Variants in PLB1 observed in about 807,000 individuals in gnomAD.
The protein encoded by PLB1 is phospholipase B1, membrane-associated.
In PLB1, 242 loss-of-function variants were observed where a neutral mutation model predicts 227.4. The observed-to-expected ratio is 1.06, with a 90% confidence interval of 0.96 to 1.18. PLB1 has a LOEUF of 1.18. PLB1 is among the 50% of genes most tolerant of loss of function. The probability of loss-of-function intolerance (pLI) is 0.00; values close to 1 mark genes in which losing one functional copy is unlikely to be tolerated. For synonymous variants in PLB1, 757 were observed against 682.2 expected (o/e 1.11, Z -1.71); for missense variants, 1,858 against 1,816.3 (o/e 1.02, Z -0.42).
chr2:28,523,224 C>T (rs1008529069), intron 4 of PLB1, among the ~76,000 whole-genome samples: 11 of 151,892 alleles, frequency 7.2e-5, no homozygotes, highest in African/African-American at 1.7e-4. Flanking sequence ...AACATACACA[C>T]GTGCACACAC....
Position 28,602,802 on chromosome 2 carries a change from T to A in PLB1, c.2674-19T>A, listed in dbSNP as rs749275998. The A allele has an allele frequency of 6.2e-7, 1 of 1,609,516 alleles. No homozygotes were observed. The highest frequency in any genetic ancestry group is 1.1e-5 in the South Asian group (1 of 90,998). On this transcript the variant is annotated intron_variant, in intron 38 of 57. Coordinates refer to ENST00000327757, the MANE Select transcript of PLB1 (RefSeq NM_153021.5). ...AGAAGTGCCTGGAGCCCCCCTCTCA[T>A]CTGCAGCTTTTCCCTTAGGTGCCCA...
intron 57 of PLB1, among the ~76,000 whole-genome samples, 194 bp from the exon 58 acceptor site, chr2:28,642,664 T>G (rs1276260400): frequency 2.0e-5 from 3 of 152,176 alleles, no homozygotes; most frequent in African/African-American, 7.2e-5. Context: ...AGCTGGGTGT[T>G]GACCTCTTTA....
chr2:28,531,547 G>T (rs1397101369), intron 8 of PLB1, among the ~76,000 whole-genome samples: 1 of 152,184 alleles, frequency 6.6e-6, no homozygotes, highest in Non-Finnish European at 1.5e-5. Flanking sequence ...CCAACCTCAG[G>T]TGATCCGCCC....
chr2:28,502,629 T>C (rs2148156368), intron 1 of PLB1, among the ~76,000 whole-genome samples: 1 of 152,338 alleles, frequency 6.6e-6, no homozygotes, highest in Non-Finnish European at 1.5e-5. Context: ...CTTAGTTTGC[T>C]AACAATTGTT....
intron 47 of PLB1, 51 bp downstream of exon 47, chr2:28,620,383 T>C: frequency 6.7e-7 from 1 of 1,497,088 alleles, no homozygotes; most frequent in South Asian, 1.3e-5. Context: ...CTCAGAGAGG[T>C]GTGAGTAGTG....
chr2:28,612,462 T>C (rs1685595331), intron 43 of PLB1, among the ~76,000 whole-genome samples: 1 of 152,172 alleles, frequency 6.6e-6, no homozygotes. Context: ...CGTCCCTTCC[T>C]CACTCTGGGG....
chr2:28,641,277 C>T (rs1689944177), intron 57 of PLB1, among the ~76,000 whole-genome samples: 1 of 152,176 alleles, frequency 6.6e-6, no homozygotes, highest in Non-Finnish European at 1.5e-5. Flanking sequence ...TCGGGTCACC[C>T]ATTCCTTCCG....
chr2:28,573,405 T>G (rs1260707563), intron 21 of PLB1, 100 bp downstream of exon 21: 1 of 875,494 alleles, frequency 1.1e-6, no homozygotes, highest in African/African-American at 1.6e-5. Context: ...TGAAGGGCTT[T>G]GTCAGAGGAA....
chr2:28,496,094 A>G lies in PLB1; in HGVS notation c.-21A>G. On this transcript the variant is annotated 5_prime_UTR_variant, in exon 1 of 58. Transcript: ENST00000327757. ...CTGGAGCAGCTCTTCCAGAGGCCCGAGTCACCTGGAGCATTCTGGCATGGG... is the reference window on the plus strand; with the variant it reads ...CTGGAGCAGCTCTTCCAGAGGCCCGGGTCACCTGGAGCATTCTGGCATGGG... 1.2e-6 allele frequency: 2 copies of G among 1,613,474 alleles called. No individual in the cohort carries two copies. The highest frequency in any genetic ancestry group is 2.2e-5 in the East Asian group (1 of 44,872).
intron 43 of PLB1, among the ~76,000 whole-genome samples, chr2:28,607,094 C>T (rs772522062): frequency 1.6e-4 from 24 of 152,114 alleles, no homozygotes; most frequent in Non-Finnish European, 2.8e-4. Flanking sequence ...TACCAGGACA[C>T]GGCAGCTCCA....
chr2:28,590,068 C>T lies in PLB1; in HGVS notation c.2080C>T (p.Pro694Ser). 8 of 1,611,934 alleles carry T rather than the reference C, an allele frequency of 5.0e-6. No homozygotes were observed. Among genetic ancestry groups the T allele is most frequent in the Non-Finnish European group, 6.8e-6 (8 of 1,178,030 alleles). Reference protein sequence around the residue: ...KFENKINITCPNQVQPFLRTY... With the variant: ...KFENKINITCSNQVQPFLRTY... ...TGAAAACAAGATCAATATCACATGT[C>T]CGAACCAGGTAGAGTGGAAAGCACG... is the stretch of plus-strand genomic sequence containing the variant. Residue 694 changes from proline (P) to serine (S), a missense_variant, in exon 29 of 58, where the codon CCG becomes TCG. Physicochemically the swap from Pro to Ser is moderately conservative, Grantham distance 74. Transcript: ENST00000327757.
chr2:28,573,151 T>C (rs1678300791), intron 20 of PLB1, 46 bp from the exon 21 acceptor site: 2 of 1,469,738 alleles, frequency 1.4e-6, no homozygotes, highest in African/African-American at 1.4e-5. Flanking sequence ...AATTTGAAGA[T>C]TGCTTTGCAG....
At position 28,569,976 on chromosome 2, in the gene PLB1, AAAAG is replaced by A. The variant is rs1441045443; in HGVS notation, c.1324+3145_1324+3148del. Among the ~76,000 whole-genome samples, 221 of 117,486 alleles carry A rather than the reference AAAAG, an allele frequency of 1.9e-3. 5 individuals are homozygous for A. Among genetic ancestry groups the A allele is most frequent in the African/African-American group, 4.8e-3 (185 of 38,314 alleles). The allele number at this position is 117,486 out of a possible 152,430, so 77.1% of individuals were successfully genotyped here. ...GCGAGACTCCATCTCAAAAAAAAAAAAAAGAAAGAAAAAAGAAAATCTGAATAGA... is the reference window on the plus strand; with the variant it reads ...GCGAGACTCCATCTCAAAAAAAAAAAAAAGAAAAAAGAAAATCTGAATAGA... On this transcript the variant is annotated intron_variant, in intron 20 of 57. Transcript: ENST00000327757.
chr2:28,579,761 G>T, intron 23 of PLB1, 54 bp downstream of exon 23: 1 of 1,465,986 alleles, frequency 6.8e-7, no homozygotes, highest in Admixed American at 1.7e-5. Context: ...GATTTTCACA[G>T]CCCGGTCACT....
chr2:28,598,877 C>T lies in PLB1; in HGVS notation c.2474+117C>T, dbSNP rs1400640207. On this transcript the variant is annotated intron_variant, in intron 35 of 57. Coordinates refer to ENST00000327757, the MANE Select transcript of PLB1 (RefSeq NM_153021.5). ...AAGGGGCACTTAGCCACTTGTGAGG[C>T]TCAGGCTGCCCTCTTCCCTGCTGCC... The T allele has an allele frequency of 3.6e-6, 3 of 835,226 alleles. No homozygotes were observed. The African/African-American group carries it at 5.0e-5, about 14-fold the overall frequency. 51.7% of individuals were successfully genotyped at this position (835,226 alleles called of 1,614,324 possible). A position where few individuals can be genotyped will look rare whatever the true frequency, so the allele number is the denominator to read the frequency against.
intron 16 of PLB1, among the ~76,000 whole-genome samples, chr2:28,550,571 C>T (rs950137363): frequency 2.0e-5 from 3 of 148,074 alleles, no homozygotes; most frequent in Non-Finnish European, 3.0e-5. Context: ...GACAGAATCT[C>T]GCTATGTCAT....
chr2:28,628,410 A>T (rs911184741), intron 51 of PLB1, among the ~76,000 whole-genome samples, 153 bp from the exon 52 acceptor site: 1 of 152,158 alleles, frequency 6.6e-6, no homozygotes, highest in African/African-American at 2.4e-5. Flanking sequence ...CTCAGCAGCA[A>T]CAAGAACTGG....
chr2:28,551,667 G>A (rs569183169), intron 16 of PLB1, among the ~76,000 whole-genome samples: 222 of 152,286 alleles, frequency 1.5e-3, no homozygotes, highest in African/African-American at 5.2e-3. Context: ...TCACTTATGG[G>A]CTCTGTGTCA....
chr2:28,574,633 G>A (rs1053388675), intron 21 of PLB1, among the ~76,000 whole-genome samples: 3 of 148,614 alleles, frequency 2.0e-5, no homozygotes, highest in East Asian at 4.1e-4. Flanking sequence ...CTGACCTCAA[G>A]TAATCTGCCT....
Sources: allele counts gnomAD v4.1 joint callset (sites outside exome capture counted in the v4.1 genomes callset), GRCh38; gene constraint gnomAD v4.1.1; transcripts MANE v1.5; gene names NCBI Gene and HGNC (gene_info 2026-07-23, HGNC 2026-07-21).